The following TMC7 variants were observed in gnomAD, a reference collection of about 807,000 sequenced individuals.
TMC7 encodes transmembrane channel-like protein 7.
TMC7 carries 54 observed loss-of-function variants against 82.9 expected under a neutral mutation model. That is an observed-to-expected ratio of 0.65 (90% CI 0.52 to 0.82). The LOEUF (loss-of-function observed/expected upper bound fraction) is 0.82, where lower values mean the gene tolerates loss of function less well. Among genes scored for constraint, TMC7 ranks in the 40% least tolerant of loss-of-function variants. The pLI is 0.00. For synonymous variants in TMC7, 350 were observed against 337.9 expected, an observed-to-expected ratio of 1.04 and a Z score of -0.39; for missense variants, 820 against 901.2, an observed-to-expected ratio of 0.91 and a Z score of 1.15.
chr16:19,023,010 A>T, intron 4 of TMC7, 103 bp from the exon 5 acceptor site: 4 of 628,394 alleles, frequency 6.4e-6, no homozygotes, highest in Non-Finnish European at 1.1e-5. Flanking sequence ...ACAGAGCGAG[A>T]CTCCATCTCA....
At chr16:18,988,488 G>A (rs1444009072) in intron 1 of TMC7, among the ~76,000 whole-genome samples, 1 of 151,886 alleles carries the variant, frequency 6.6e-6, no homozygotes, top group African/African-American at 2.4e-5. Context: ...ACTGGGTCTG[G>A]TTATGTTGTC....
chr16:19,044,877 C>G lies in TMC7; in HGVS notation c.1338-7C>G, dbSNP rs554905205. On this transcript the variant is annotated splice_polypyrimidine_tract_variant and splice_region_variant and intron_variant, in intron 9 of 15. Coordinates refer to ENST00000304381, the MANE Select transcript of TMC7 (RefSeq NM_024847.4). ...TCTTCCCATCCTCTCTCCTTCTCTC[C>G]CCGAAGGTGTGTCTTTATGCGGCTG... 3 of 1,611,730 alleles carry G rather than the reference C, an allele frequency of 1.9e-6. No individual in the cohort carries two copies. In the South Asian group the frequency reaches 3.3e-5, roughly 18 times the overall value.
chr16:19,054,332 C>G (rs904598008), intron 13 of TMC7, among the ~76,000 whole-genome samples: 1 of 152,220 alleles, frequency 6.6e-6, no homozygotes, highest in Admixed American at 6.6e-5. Context: ...TTTTACTATG[C>G]AGTCTCCCTC....
At chr16:19,039,826 G>T (rs1438924605) in intron 8 of TMC7, among the ~76,000 whole-genome samples, 1 of 151,860 alleles carries the variant, frequency 6.6e-6, no homozygotes, top group Non-Finnish European at 1.5e-5. Context: ...TCTGAAGAAG[G>T]AGATGGCGGC....
rs1961553517 is a variant in TMC7, at chr16:19,051,790, A to AATACCTCTG, written c.1847_1855dup (p.Ile616_Leu618dup). ...TGTTGATCGGGCTGTGTTTGGCAAT[A>AATACCTCTG]ATACCTCTGACAATCAGCATATCAC... On this transcript the variant is annotated inframe_insertion, in exon 13 of 16. Transcript: ENST00000304381. 5.0e-6 allele frequency: 8 copies of AATACCTCTG among 1,614,080 alleles called. No homozygotes were observed. Among genetic ancestry groups the AATACCTCTG allele is most frequent in the Non-Finnish European group, 6.8e-6 (8 of 1,180,034 alleles).
At chr16:19,008,117 T>C (rs2039273633) in intron 1 of TMC7, among the ~76,000 whole-genome samples, 1 of 152,166 alleles carries the variant, frequency 6.6e-6, no homozygotes, top group South Asian at 2.1e-4. Context: ...GGGTAATTGC[T>C]TAGGTAATTA....
chr16:18,999,735 C>T (rs967182500), intron 1 of TMC7, among the ~76,000 whole-genome samples: 1 of 151,414 alleles, frequency 6.6e-6, no homozygotes, highest in African/African-American at 2.4e-5. Flanking sequence ...ATAGCAGCTT[C>T]AACTAGAGTC....
intron 1 of TMC7, among the ~76,000 whole-genome samples, chr16:18,989,991 A>C (rs2038921243): frequency 1.3e-5 from 2 of 152,142 alleles, no homozygotes; most frequent in South Asian, 4.2e-4. Context: ...AAAGAGAGTC[A>C]GCAAAGGGTG....
At chr16:19,042,652 T>C (rs557675053) in intron 9 of TMC7, among the ~76,000 whole-genome samples, 2 of 140,698 alleles carry the variant, frequency 1.4e-5, no homozygotes, top group Admixed American at 7.2e-5. Context: ...GGACTACAGA[T>C]GCCCGGCACC....
intron 1 of TMC7, among the ~76,000 whole-genome samples, chr16:18,986,086 C>G (rs2038843069): frequency 6.6e-6 from 1 of 151,552 alleles, no homozygotes; most frequent in Admixed American, 6.6e-5. Context: ...AGATCACTCC[C>G]CTGCTTACAT....
At chr16:19,056,764 G>A (rs942613102) in intron 14 of TMC7, 67 bp downstream of exon 14, 10 of 1,553,430 alleles carry the variant, frequency 6.4e-6, no homozygotes, top group Non-Finnish European at 8.8e-6. Flanking sequence ...GGCGGCGGTC[G>A]GGGCGGGGTC....
At chr16:19,010,037 CCTTT>C (rs1341887916) in intron 2 of TMC7, among the ~76,000 whole-genome samples, 34 of 142,114 alleles carry the variant, frequency 2.4e-4, no homozygotes, top group Admixed American at 7.8e-4. Context: ...CTCCCTCCCT[CCTTT>C]CTTTCTTTTT....
chr16:18,984,149 C>A lies in TMC7; in HGVS notation c.67+19C>A, dbSNP rs1377358268. On this transcript the variant is annotated intron_variant, in intron 1 of 15. Coordinates refer to ENST00000304381, the MANE Select transcript of TMC7 (RefSeq NM_024847.4). The stretch of plus-strand genomic sequence containing the variant: ...CATCCAGGTAGGGCGGCAGGGAGCG[C>A]GCGCGGGGACGGTGCCCCTGGGGTC... 10 of 1,488,214 alleles carry A rather than the reference C, an allele frequency of 6.7e-6. No homozygotes were observed. The highest frequency in any genetic ancestry group is 1.5e-5 in the African/African-American group (1 of 68,484). The allele number at this position is 1,488,214 out of a possible 1,614,324, so 92.2% of individuals were successfully genotyped here.
intron 11 of TMC7, among the ~76,000 whole-genome samples, 160 bp downstream of exon 11, chr16:19,045,598 T>C (rs1436527146): frequency 7.7e-5 from 11 of 142,248 alleles, no homozygotes; most frequent in Non-Finnish European, 1.1e-4. Flanking sequence ...TTTCTTTTTT[T>C]TTTTTTTTTT....
At chr16:18,984,337 A>G in intron 1 of TMC7, 1 of 1,296,946 alleles carries the variant, frequency 7.7e-7, no homozygotes, top group Non-Finnish European at 9.7e-7. Context: ...ATCCAGTGGA[A>G]CCCAGCCGGG....
intron 2 of TMC7, 26 bp downstream of exon 2, chr16:19,009,441 T>TGTG: frequency 6.2e-7 from 1 of 1,601,292 alleles, no homozygotes; most frequent in African/African-American, 1.3e-5. Context: ...ACCTGGAACC[T>TGTG]GCATTGTGTA....
At chr16:19,050,195 C>A (rs1164391153) in intron 12 of TMC7, among the ~76,000 whole-genome samples, 1 of 151,606 alleles carries the variant, frequency 6.6e-6, no homozygotes. Flanking sequence ...CACGGTGAAA[C>A]CCCATCTCTA....
chr16:18,984,493 C>G (rs543809076), intron 1 of TMC7: 2 of 1,065,804 alleles, frequency 1.9e-6, no homozygotes, highest in Admixed American at 5.5e-5. Context: ...TATGAGGTGC[C>G]TGCCTCCCGG....
intron 5 of TMC7, among the ~76,000 whole-genome samples, chr16:19,028,573 C>A (rs1960343339): frequency 6.6e-6 from 1 of 152,052 alleles, no homozygotes; most frequent in Admixed American, 6.6e-5. Context: ...ATCTGTAAAT[C>A]AATTTGAGGA....
Sources: allele counts gnomAD v4.1 joint callset (sites outside exome capture counted in the v4.1 genomes callset), GRCh38; gene constraint gnomAD v4.1.1; transcripts MANE v1.5; gene names NCBI Gene and HGNC (gene_info 2026-07-23, HGNC 2026-07-21).